ANKS1B: variants seen among roughly 807,000 people sequenced by gnomAD.
The protein encoded by ANKS1B is ankyrin repeat and sterile alpha motif domain containing 1B.
In ANKS1B, 36 loss-of-function variants were observed where a neutral mutation model predicts 148.3. That is an observed-to-expected ratio of 0.24 (90% CI 0.19 to 0.32). ANKS1B has a LOEUF of 0.32. Ranked by LOEUF, ANKS1B falls within the 10% of genes least tolerant of loss-of-function variation. ANKS1B has a pLI of 1.00. For synonymous variants in ANKS1B, 542 were observed against 560.8 expected, an observed-to-expected ratio of 0.97 and a Z score of 0.47; for missense variants, 1,157 against 1,542.6, an observed-to-expected ratio of 0.75 and a Z score of 4.19.
chr12:98,793,558 G>A (rs182327555), intron 22 of ANKS1B, among the ~76,000 whole-genome samples: 18 of 152,136 alleles, frequency 1.2e-4, no homozygotes, highest in African/African-American at 3.6e-4. Flanking sequence ...CTTAGAGAAT[G>A]GGAGAAAATA....
At chr12:99,929,617 T>A (rs1284405197) in intron 1 of ANKS1B, among the ~76,000 whole-genome samples, 2 of 152,188 alleles carry the variant, frequency 1.3e-5, no homozygotes, top group Non-Finnish European at 2.9e-5. Flanking sequence ...CTTCTAGGGT[T>A]TTTATGGTTT....
chr12:98,826,429 A>G (rs2099249272), intron 19 of ANKS1B, among the ~76,000 whole-genome samples: 1 of 152,146 alleles, frequency 6.6e-6, no homozygotes, highest in Non-Finnish European at 1.5e-5. Context: ...TGCTTTTCCA[A>G]GTTAAGCAAA....
chr12:99,157,027 C>G (rs1369666946), intron 14 of ANKS1B, among the ~76,000 whole-genome samples: 1 of 152,128 alleles, frequency 6.6e-6, no homozygotes, highest in Non-Finnish European at 1.5e-5. Flanking sequence ...AGCTCATCAT[C>G]CTCATCCACT....
intron 14 of ANKS1B, among the ~76,000 whole-genome samples, chr12:99,199,779 C>T (rs550156615): frequency 2.0e-5 from 3 of 152,234 alleles, no homozygotes; most frequent in East Asian, 3.9e-4. Context: ...CTATGATATT[C>T]CTGAGGCTCA....
chr12:99,012,385 T>C (rs2099939975), intron 17 of ANKS1B, among the ~76,000 whole-genome samples: 1 of 152,344 alleles, frequency 6.6e-6, no homozygotes, highest in East Asian at 1.9e-4. Flanking sequence ...CAGTCTAGCA[T>C]ATTTTAAATC....
intron 12 of ANKS1B, among the ~76,000 whole-genome samples, chr12:99,394,142 T>C (rs4128747): frequency 0.46 from 69,257 of 151,970 alleles, 18,300 homozygotes; most frequent in African/African-American, 0.74. Context: ...TTCACACTGT[T>C]CTCTCTTTCC....
chr12:99,976,425 T>A (rs993114881), intron 1 of ANKS1B, among the ~76,000 whole-genome samples: 1 of 152,054 alleles, frequency 6.6e-6, no homozygotes, highest in Non-Finnish European at 1.5e-5. Context: ...AGGGTGAACT[T>A]GTAGTAATTA....
intron 9 of ANKS1B, among the ~76,000 whole-genome samples, chr12:99,627,027 A>T (rs1358624658): frequency 3.3e-5 from 5 of 152,168 alleles, no homozygotes; most frequent in African/African-American, 1.2e-4. Flanking sequence ...ATAATCCCTG[A>T]TAATTTTACA....
rs79747180 is a variant in ANKS1B, at chr12:99,799,580, G to C, written c.669+6824C>G. On this transcript the variant is annotated intron_variant, in intron 4 of 26. Transcript: ENST00000683438. ...CATAGTGCCTGGTAGCATGGCATGA[G>C]AAGTCAGGAGGGGCTAGGGTATCCT... Among the ~76,000 whole-genome samples the C allele has an allele frequency of 1.6e-3, 245 of 152,276 alleles. 5 individuals carry two copies. In the East Asian group the frequency reaches 0.04, roughly 25 times the overall value.
At chr12:98,890,359 G>T (rs2099749753) in intron 17 of ANKS1B, among the ~76,000 whole-genome samples, 1 of 152,042 alleles carries the variant, frequency 6.6e-6, no homozygotes, top group Non-Finnish European at 1.5e-5. Context: ...AAGCTATAGT[G>T]CAAGAAAACA....
intron 17 of ANKS1B, among the ~76,000 whole-genome samples, chr12:98,998,310 A>C (rs2099930909): frequency 6.6e-6 from 1 of 152,240 alleles, no homozygotes; most frequent in Admixed American, 6.5e-5. Context: ...AGCACATTTA[A>C]AAAGTTAGGT....
intron 8 of ANKS1B, among the ~76,000 whole-genome samples, chr12:99,768,838 A>AC (rs1555603648): frequency 0.016 from 2,351 of 150,030 alleles, 75 homozygotes; most frequent in African/African-American, 0.054. Context: ...AAAAAAAAAA[A>AC]AAAAAAAAAA....
At chr12:99,634,562 G>A (rs1447608624) in intron 9 of ANKS1B, among the ~76,000 whole-genome samples, 2 of 152,138 alleles carry the variant, frequency 1.3e-5, no homozygotes, top group Non-Finnish European at 2.9e-5. Flanking sequence ...CCATGTCCCT[G>A]AGTAAAATAT....
chr12:99,549,959 C>T (rs902351121), intron 9 of ANKS1B, among the ~76,000 whole-genome samples: 3 of 152,198 alleles, frequency 2.0e-5, no homozygotes, highest in Admixed American at 6.5e-5. Flanking sequence ...AGACCCCTCC[C>T]GCTCGGACCT....
intron 17 of ANKS1B, among the ~76,000 whole-genome samples, chr12:98,878,070 G>A (rs2099696077): frequency 6.6e-6 from 1 of 151,890 alleles, no homozygotes; most frequent in Non-Finnish European, 1.5e-5. Context: ...TAATTAAAAT[G>A]GAATATATAA....
intron 9 of ANKS1B, among the ~76,000 whole-genome samples, chr12:99,588,423 T>TG (rs200709978): frequency 1.3e-5 from 2 of 151,476 alleles, no homozygotes; most frequent in Non-Finnish European, 2.9e-5. Context: ...CTTTTTTTTT[T>TG]GTCTTTTTTT....
intron 9 of ANKS1B, among the ~76,000 whole-genome samples, chr12:99,535,981 C>T (rs2097060831): frequency 6.6e-6 from 1 of 152,160 alleles, no homozygotes; most frequent in Non-Finnish European, 1.5e-5. Context: ...ACTCTTAAAA[C>T]CAACATATAC....
intron 9 of ANKS1B, among the ~76,000 whole-genome samples, chr12:99,509,149 A>G (rs1312341680): frequency 6.6e-6 from 1 of 151,784 alleles, no homozygotes; most frequent in African/African-American, 2.4e-5. Flanking sequence ...TCCACCGACC[A>G]GCCATTCCCC....
At position 99,221,824 on chromosome 12, in the gene ANKS1B, T is replaced by G. The variant is rs183278095; in HGVS notation, c.2419+22518A>C. Among the ~76,000 whole-genome samples, 806 of 152,320 alleles carry G rather than the reference T, an allele frequency of 5.3e-3. 13 individuals carry two copies. The highest frequency in any genetic ancestry group is 0.048 in the South Asian group (234 of 4,832). On this transcript the variant is annotated intron_variant, in intron 14 of 26. Coordinates refer to ENST00000683438, the MANE Select transcript of ANKS1B (RefSeq NM_001352186.2). Reference sequence around the variant, plus strand: ...ACCAGCAATTTAACTTTTGGGAATGTATCCATCACACATATGCCTTCATAT... The same window carrying G: ...ACCAGCAATTTAACTTTTGGGAATGGATCCATCACACATATGCCTTCATAT...
Sources: gnomAD v4.1 joint callset for allele counts (sites outside exome capture counted in the v4.1 genomes callset) on GRCh38, gnomAD v4.1.1 for gene constraint, MANE v1.5 for transcripts, NCBI Gene and HGNC (gene_info 2026-07-23, HGNC 2026-07-21) for gene names.